Variants in VEGFC observed in about 807,000 individuals in gnomAD.
VEGFC encodes FLT4 ligand DHM.
A neutral mutation model predicts 46.1 loss-of-function variants in VEGFC; 12 were observed. The observed-to-expected ratio is 0.26, with a 90% CI of 0.17 to 0.42. The LOEUF is 0.42. VEGFC is among the 10% of genes least tolerant of loss of function. The pLI, the probability that VEGFC is intolerant of heterozygous loss-of-function variation, is 1.00. For missense variants in VEGFC, 488 were observed against 529.4 expected, an observed-to-expected ratio of 0.92 and a Z score of 0.77; for synonymous variants, 232 against 195.5, an observed-to-expected ratio of 1.19 and a Z score of -1.56.
At chr4:176,714,204 C>G (rs1049078989) in intron 3 of VEGFC, among the ~76,000 whole-genome samples, 1 of 152,242 alleles carries the variant, frequency 6.6e-6, no homozygotes, top group African/African-American at 2.4e-5. Context: ...GGGACCAGAT[C>G]CCTCATGAAT....
intron 1 of VEGFC, among the ~76,000 whole-genome samples, chr4:176,772,549 T>C (rs1735740635): frequency 1.3e-5 from 2 of 152,214 alleles, no homozygotes; most frequent in Non-Finnish European, 2.9e-5. Flanking sequence ...GTCACAAATG[T>C]GGTTGCCTCC....
intron 1 of VEGFC, among the ~76,000 whole-genome samples, chr4:176,730,014 T>C (rs959277868): frequency 1.3e-5 from 2 of 152,214 alleles, no homozygotes; most frequent in African/African-American, 2.4e-5. Context: ...AGCTTATTTA[T>C]TTTATTCATA....
intron 4 of VEGFC, among the ~76,000 whole-genome samples, chr4:176,702,670 T>C (rs866419327): frequency 3.9e-5 from 6 of 152,134 alleles, no homozygotes; most frequent in Admixed American, 1.3e-4. Context: ...TTATTACATC[T>C]TTAGGGACAT....
chr4:176,751,122 A>G (rs1378571852), intron 1 of VEGFC, among the ~76,000 whole-genome samples: 2 of 151,844 alleles, frequency 1.3e-5, no homozygotes, highest in Admixed American at 6.6e-5. Flanking sequence ...AAGAATGAAA[A>G]TGTACTTAAA....
chr4:176,761,221 A>G (rs1293736440), intron 1 of VEGFC, among the ~76,000 whole-genome samples: 1 of 152,210 alleles, frequency 6.6e-6, no homozygotes, highest in East Asian at 1.9e-4. Flanking sequence ...TCTCAAGTAC[A>G]TTGAGATAAT....
At chr4:176,691,068 G>C (rs550575037) in intron 4 of VEGFC, among the ~76,000 whole-genome samples, 2 of 152,104 alleles carry the variant, frequency 1.3e-5, no homozygotes, top group African/African-American at 2.4e-5. Context: ...AGAAAGCACC[G>C]TGCTTCAAAA....
intron 1 of VEGFC, among the ~76,000 whole-genome samples, chr4:176,737,633 T>A (rs1735078861): frequency 6.6e-6 from 1 of 151,474 alleles, no homozygotes. Flanking sequence ...ATAAAAATAG[T>A]TATATATTAA....
intron 1 of VEGFC, among the ~76,000 whole-genome samples, chr4:176,740,266 C>G (rs1735143277): frequency 8.8e-6 from 1 of 113,990 alleles, no homozygotes; most frequent in Non-Finnish European, 1.7e-5. Context: ...ATATATATAA[C>G]TATATATTCT....
At position 176,774,289 on chromosome 4, in the gene VEGFC, T is replaced by A. The variant is rs183640202; in HGVS notation, c.147+17876A>T. Among the ~76,000 whole-genome samples the A allele has an allele frequency of 3.9e-5, 6 of 152,264 alleles. No individual in the cohort carries two copies. In the East Asian group the frequency reaches 1.2e-3, roughly 29 times the overall value. ...ACTGCATAATAAATAAAAATTTTGATTCATATTTTGAATTATTAAACCCAG... is the reference window on the plus strand; with the variant it reads ...ACTGCATAATAAATAAAAATTTTGAATCATATTTTGAATTATTAAACCCAG... On this transcript the variant is annotated intron_variant, in intron 1 of 6. Coordinates refer to ENST00000618562, the MANE Select transcript of VEGFC (RefSeq NM_005429.5).
chr4:176,774,801 A>G (rs941052260), intron 1 of VEGFC, among the ~76,000 whole-genome samples: 1 of 73,190 alleles, frequency 1.4e-5, no homozygotes. Flanking sequence ...CTAAAACTTA[A>G]AGTATAATAA....
At chr4:176,711,723 TC>T (rs993778924) in intron 3 of VEGFC, 73 bp from the exon 4 acceptor site, 2 of 1,493,026 alleles carry the variant, frequency 1.3e-6, no homozygotes, top group African/African-American at 1.4e-5. Flanking sequence ...AATATTGGAG[TC>T]CGAAAAAGAG....
At chr4:176,736,119 A>G (rs796391564) in intron 1 of VEGFC, among the ~76,000 whole-genome samples, 18 of 151,974 alleles carry the variant, frequency 1.2e-4, no homozygotes, top group African/African-American at 4.3e-4. Flanking sequence ...CTCAATTAGG[A>G]GAAAAATCTT....
chr4:176,761,836 T>A (rs1735535229), intron 1 of VEGFC, among the ~76,000 whole-genome samples: 1 of 152,142 alleles, frequency 6.6e-6, no homozygotes, highest in East Asian at 1.9e-4. Flanking sequence ...GACGAAGGCA[T>A]GGAATACAAA....
intron 1 of VEGFC, among the ~76,000 whole-genome samples, chr4:176,780,174 G>A (rs1426410840): frequency 6.6e-6 from 1 of 152,038 alleles, no homozygotes; most frequent in African/African-American, 2.4e-5. Context: ...GAGGTCAGGT[G>A]TTCAAGACCA....
chr4:176,763,534 G>A (rs376446249), intron 1 of VEGFC, among the ~76,000 whole-genome samples: 2 of 152,072 alleles, frequency 1.3e-5, no homozygotes, highest in African/African-American at 4.8e-5. Context: ...AATGGGACTG[G>A]TAGTATTTTA....
chr4:176,728,599 T>C (rs969529210), intron 2 of VEGFC, among the ~76,000 whole-genome samples: 5 of 152,162 alleles, frequency 3.3e-5, no homozygotes, highest in Admixed American at 2.0e-4. Context: ...CTCTGGAATT[T>C]TGTTTCTGAT....
intron 1 of VEGFC, among the ~76,000 whole-genome samples, chr4:176,775,270 A>G (rs1735796132): frequency 6.6e-6 from 1 of 152,204 alleles, no homozygotes; most frequent in Non-Finnish European, 1.5e-5. Context: ...AAAAGTAATG[A>G]AAGAGAAATA....
chr4:176,769,978 T>C (rs867166492), intron 1 of VEGFC, among the ~76,000 whole-genome samples: 13 of 152,294 alleles, frequency 8.5e-5, no homozygotes, highest in Middle Eastern at 6.8e-3. Flanking sequence ...TATTATTTCC[T>C]AGTAACCCAT....
intron 1 of VEGFC, among the ~76,000 whole-genome samples, chr4:176,761,126 A>G (rs1263465515): frequency 6.6e-6 from 1 of 152,224 alleles, no homozygotes; most frequent in Non-Finnish European, 1.5e-5. Context: ...TATAGATCCT[A>G]TACAAAATTG....
Sources: gnomAD v4.1 joint callset for allele counts (sites outside exome capture counted in the v4.1 genomes callset) on GRCh38, gnomAD v4.1.1 for gene constraint, MANE v1.5 for transcripts, NCBI Gene and HGNC (gene_info 2026-07-23, HGNC 2026-07-21) for gene names.